Variants in ISM1 observed in about 807,000 individuals in gnomAD.
ISM1 encodes isthmin-1.
In ISM1, 25 loss-of-function variants were observed where a neutral mutation model predicts 46.3. The observed-to-expected ratio is 0.54, with a 90% CI of 0.39 to 0.75. The LOEUF is 0.75. Ranked by LOEUF, ISM1 falls within the 30% of genes least tolerant of loss-of-function variation. The pLI, the probability that ISM1 is intolerant of heterozygous loss-of-function variation, is 0.00. For synonymous variants in ISM1, 255 were observed against 256.7 expected, an observed-to-expected ratio of 0.99 and a Z score of 0.06; for missense variants, 536 against 625.4, an observed-to-expected ratio of 0.86 and a Z score of 1.52.
chr20:13,255,063 T>G (rs1257924991), intron 1 of ISM1, among the ~76,000 whole-genome samples: 1 of 152,142 alleles, frequency 6.6e-6, no homozygotes, highest in East Asian at 1.9e-4. Flanking sequence ...AGAAAGCCCA[T>G]AAATAGAATA....
chr20:13,305,062 T>G (rs550146422), downstream of ISM1, among the ~76,000 whole-genome samples: 1 of 152,126 alleles, frequency 6.6e-6, no homozygotes, highest in African/African-American at 2.4e-5. Flanking sequence ...AATAACATAG[T>G]ATTATTTGAA....
At chr20:13,301,198 AT>A (rs368510601), downstream of ISM1, among the ~76,000 whole-genome samples, 89 of 148,860 alleles carry the variant, frequency 6.0e-4, no homozygotes, top group African/African-American at 1.5e-3. Flanking sequence ...TCATTTACAC[AT>A]TTTTTTTTTG....
intron 2 of ISM1, among the ~76,000 whole-genome samples, chr20:13,277,830 TG>T (rs944246940): frequency 2.6e-5 from 4 of 152,052 alleles, no homozygotes; most frequent in African/African-American, 9.7e-5. Context: ...ACTCTGGGGT[TG>T]AAAGTCACCC....
chr20:13,249,901 C>T (rs2123190221), intron 1 of ISM1, among the ~76,000 whole-genome samples: 1 of 152,026 alleles, frequency 6.6e-6, no homozygotes, highest in African/African-American at 2.4e-5. Context: ...CCTTTTTTCT[C>T]ATTTGCAAAA....
the ISM1 span, among the ~76,000 whole-genome samples, chr20:13,326,344 G>T: frequency 6.6e-6 from 1 of 152,106 alleles, no homozygotes; most frequent in African/African-American, 2.4e-5. Context: ...GAGTGGGACC[G>T]TTGGGTCATG....
intron 1 of ISM1, among the ~76,000 whole-genome samples, chr20:13,229,465 G>A (rs1048182793): frequency 6.6e-6 from 1 of 152,138 alleles, no homozygotes; most frequent in Non-Finnish European, 1.5e-5. Context: ...ATTAAACTAA[G>A]TTTTTGAGAT....
chr20:13,288,648 C>T lies in ISM1; in HGVS notation c.752C>T (p.Thr251Ile), dbSNP rs768458787. The T allele has an allele frequency of 6.2e-7, 1 of 1,614,020 alleles. No individual in the cohort carries two copies. Among genetic ancestry groups the T allele is most frequent in the Non-Finnish European group, 8.5e-7 (1 of 1,179,880 alleles). Residue 251 changes from threonine to isoleucine, a missense_variant, in exon 4 of 6, where the codon ACA becomes ATA. Thr to Ile is a moderately conservative substitution (Grantham distance 89). Around this residue, in one of 2 missense-constraint regions of ISM1, gnomAD observed 367 missense variants for 376.1 expected, o/e 0.98. Coordinates refer to ENST00000262487, the MANE Select transcript of ISM1 (RefSeq NM_080826.2). ...TCTTGTGGCTACGCGTGCACTGCAACAGAATCGAGGACCTGTGACCGTCCA... is the reference window on the plus strand; with the variant it reads ...TCTTGTGGCTACGCGTGCACTGCAATAGAATCGAGGACCTGTGACCGTCCA... ...TRSCGYACTATESRTCDRPNC... is the reference protein window; with the variant it reads ...TRSCGYACTAIESRTCDRPNC...
intron 1 of ISM1, 27 bp downstream of exon 1, chr20:13,221,941 G>C (rs2039454405): frequency 1.5e-6 from 2 of 1,315,124 alleles, no homozygotes; most frequent in Non-Finnish European, 1.9e-6. Flanking sequence ...AGAGGGCCGT[G>C]CGCGGCTGCG....
the ISM1 span, among the ~76,000 whole-genome samples, chr20:13,311,849 C>A: frequency 6.6e-6 from 1 of 152,078 alleles, no homozygotes; most frequent in Admixed American, 6.6e-5. Context: ...TTAGGAGAAA[C>A]AAGTTCTGGA....
At chr20:13,273,003 G>T (rs930944127) in intron 2 of ISM1, among the ~76,000 whole-genome samples, 1 of 152,190 alleles carries the variant, frequency 6.6e-6, no homozygotes, top group African/African-American at 2.4e-5. Context: ...CAGTGTAATT[G>T]ATTTAAGAAT....
At chr20:13,325,957 C>T in the ISM1 span, among the ~76,000 whole-genome samples, 1 of 152,190 alleles carries the variant, frequency 6.6e-6, no homozygotes, top group Non-Finnish European at 1.5e-5. Context: ...TATCTTACCA[C>T]CTCTTTATAG....
chr20:13,287,550 C>T (rs548727102), intron 3 of ISM1, among the ~76,000 whole-genome samples: 4 of 152,322 alleles, frequency 2.6e-5, no homozygotes, highest in African/African-American at 7.2e-5. Context: ...CCTTTTTGCA[C>T]ACCACTCATC....
the ISM1 span, among the ~76,000 whole-genome samples, chr20:13,318,435 T>TA: frequency 0.019 from 2,842 of 152,302 alleles, 94 homozygotes; most frequent in African/African-American, 0.059. Flanking sequence ...CTTATGAAAT[T>TA]AAACGTACGC....
At chr20:13,245,017 G>A (rs2039776966) in intron 1 of ISM1, among the ~76,000 whole-genome samples, 1 of 152,168 alleles carries the variant, frequency 6.6e-6, no homozygotes, top group Non-Finnish European at 1.5e-5. Flanking sequence ...AAGTCTAGAA[G>A]AAAGAACATG....
chr20:13,318,744 C>T, the ISM1 span, among the ~76,000 whole-genome samples: 1 of 152,068 alleles, frequency 6.6e-6, no homozygotes, highest in Admixed American at 6.5e-5. Context: ...TTTTTTGAAA[C>T]TCAGTGAAAA....
rs2040362683 is a variant in ISM1 at position 13,292,363 on chromosome 20, T to A, written c.788-11T>A. ...GTAATGATGGAAAAATGAGCTCTTGTCTGTGTTTAGGAATTGAAGACACTT... is the reference window on the plus strand; with the variant it reads ...GTAATGATGGAAAAATGAGCTCTTGACTGTGTTTAGGAATTGAAGACACTT... On this transcript the variant is annotated splice_polypyrimidine_tract_variant and intron_variant, in intron 4 of 5. Transcript: ENST00000262487. 6.4e-7 allele frequency: 1 copy of A among 1,567,740 alleles called. No homozygotes were observed. Among genetic ancestry groups the A allele is most frequent in the Non-Finnish European group, 8.7e-7 (1 of 1,148,516 alleles).
the ISM1 span, among the ~76,000 whole-genome samples, chr20:13,311,798 G>A: frequency 8.6e-3 from 1,304 of 152,262 alleles, 28 homozygotes; most frequent in African/African-American, 0.029. Flanking sequence ...GTAAAGGGGT[G>A]TGGAAAGGGG....
chr20:13,279,477 G>A (rs1403922165), intron 2 of ISM1, among the ~76,000 whole-genome samples, 157 bp from the exon 3 acceptor site: 1 of 152,152 alleles, frequency 6.6e-6, no homozygotes, highest in African/African-American at 2.4e-5. Flanking sequence ...GACCATCCCT[G>A]GAGGTTTTCC....
chr20:13,270,714 G>A lies in ISM1; in HGVS notation c.349G>A (p.Asp117Asn). The change falls in exon 2 of 6, where the codon GAT becomes AAT. Residue 117 changes from aspartate (D) to asparagine (N), a missense_variant. By Grantham distance (23) the Asp-to-Asn change is conservative. This residue lies in a region of ISM1 where 367 missense variants were observed against 376.1 expected (regional missense o/e 0.98). Coordinates refer to ENST00000262487, the MANE Select transcript of ISM1 (RefSeq NM_080826.2). ...LPNFPDLSKADINGQNPNIQV... is the reference protein window; with the variant it reads ...LPNFPDLSKANINGQNPNIQV... ...AAACTTTCCAGATCTTTCCAAAGCT[G>A]ATATCAATGGGCAGAATCCAAATAT... The A allele has an allele frequency of 6.2e-7, 1 of 1,613,866 alleles. No homozygotes were observed. The highest frequency in any genetic ancestry group is 1.1e-5 in the South Asian group (1 of 91,046).
Sources: allele counts gnomAD v4.1 joint callset (sites outside exome capture counted in the v4.1 genomes callset), GRCh38; gene constraint gnomAD v4.1.1; regional missense constraint gnomAD v4.1.1; transcripts MANE v1.5; gene names NCBI Gene and HGNC (gene_info 2026-07-23, HGNC 2026-07-21).